Variants in MYO3A observed in about 807,000 individuals in gnomAD.
The protein encoded by MYO3A is myosin IIIA, also known as myosin-IIIa.
Under a neutral mutation model 192.7 loss-of-function variants are expected in MYO3A, and 180 were observed. That is an observed-to-expected ratio of 0.93 (90% CI 0.83 to 1.06). MYO3A has a LOEUF of 1.06. MYO3A is among the 50% of genes least tolerant of loss of function. The pLI, the probability that MYO3A is intolerant of heterozygous loss-of-function variation, is 0.00. For synonymous variants in MYO3A, 628 were observed against 645.3 expected, an observed-to-expected ratio of 0.97 and a Z score of 0.41; for missense variants, 1,896 against 1,905.0, an observed-to-expected ratio of 1.00 and a Z score of 0.09.
chr10:26,186,428 G>A (rs143010138), intron 31 of MYO3A, among the ~76,000 whole-genome samples: 1,660 of 151,838 alleles, frequency 0.011, 41 homozygotes, highest in African/African-American at 0.038. Context: ...CACCACACCC[G>A]GCTAATTTTT....
At chr10:26,130,870 C>G (rs1839494271) in intron 20 of MYO3A, among the ~76,000 whole-genome samples, 1 of 152,188 alleles carries the variant, frequency 6.6e-6, no homozygotes, top group Non-Finnish European at 1.5e-5. Flanking sequence ...GTAGCTATCA[C>G]AGACAAAGAG....
chr10:25,965,266 G>T (rs1838187876), intron 4 of MYO3A, among the ~76,000 whole-genome samples: 1 of 152,010 alleles, frequency 6.6e-6, no homozygotes. Flanking sequence ...ATTTTCTTTT[G>T]CACTGGGTCT....
intron 4 of MYO3A, among the ~76,000 whole-genome samples, chr10:25,972,171 T>G (rs1194003149): frequency 6.6e-6 from 1 of 152,210 alleles, no homozygotes; most frequent in African/African-American, 2.4e-5. Flanking sequence ...TCCTTCTTCT[T>G]TTTTTCATAT....
chr10:26,014,306 G>T (rs527707373), intron 6 of MYO3A, among the ~76,000 whole-genome samples: 1 of 151,972 alleles, frequency 6.6e-6, no homozygotes, highest in African/African-American at 2.4e-5. Flanking sequence ...TATTTTAAGC[G>T]AAGAGTTGTC....
chr10:25,967,001 T>C (rs1378424662), intron 4 of MYO3A, among the ~76,000 whole-genome samples: 1 of 152,126 alleles, frequency 6.6e-6, no homozygotes, highest in East Asian at 1.9e-4. Context: ...ATAGAGGCAG[T>C]TTCCAGAGCA....
chr10:26,084,383 G>T (rs1473846085), intron 14 of MYO3A, among the ~76,000 whole-genome samples: 1 of 152,220 alleles, frequency 6.6e-6, no homozygotes, highest in Non-Finnish European at 1.5e-5. Context: ...GTTCATCAGA[G>T]AAATTGGCCT....
chr10:26,023,998 C>T, intron 8 of MYO3A, 24 bp from the exon 9 acceptor site: 3 of 1,598,510 alleles, frequency 1.9e-6, no homozygotes, highest in Non-Finnish European at 1.7e-6. Flanking sequence ...ATACAGAATC[C>T]AACATTGATT....
At chr10:26,172,825 G>A (rs891015226) in intron 29 of MYO3A, among the ~76,000 whole-genome samples, 6 of 152,188 alleles carry the variant, frequency 3.9e-5, no homozygotes, top group East Asian at 1.9e-4. Flanking sequence ...ATGGAATCCC[G>A]GTAGCTTTTT....
intron 31 of MYO3A, among the ~76,000 whole-genome samples, chr10:26,180,111 A>G (rs1363725093): frequency 6.6e-6 from 1 of 152,224 alleles, no homozygotes; most frequent in Non-Finnish European, 1.5e-5. Flanking sequence ...CTGGGATTAC[A>G]AGTGTGAGCC....
intron 10 of MYO3A, among the ~76,000 whole-genome samples, chr10:26,046,751 C>T (rs1434901203): frequency 6.6e-6 from 1 of 152,210 alleles, no homozygotes; most frequent in Non-Finnish European, 1.5e-5. Context: ...TATAAGATTG[C>T]ATTCACATAT....
chr10:26,198,188 G>T (rs938984478), intron 32 of MYO3A, among the ~76,000 whole-genome samples: 5 of 151,934 alleles, frequency 3.3e-5, no homozygotes, highest in Admixed American at 6.5e-5. Flanking sequence ...TTACAATGGC[G>T]ATTCTAGCGG....
chr10:26,025,122 T>C (rs190239918), intron 9 of MYO3A, among the ~76,000 whole-genome samples: 75 of 152,356 alleles, frequency 4.9e-4, no homozygotes, highest in Admixed American at 1.6e-3. Flanking sequence ...CAGAAATTAA[T>C]GCATTCTGTT....
chr10:26,039,201 C>T lies in MYO3A; in HGVS notation c.953+12669C>T, dbSNP rs528956655. ...GATTACAGGCAGGCACCACCAGGCT[C>T]GGCTAATTTTTTTTTTTTTTTTTTT... On this transcript the variant is annotated intron_variant, in intron 10 of 34. Coordinates refer to ENST00000642920, the MANE Select transcript of MYO3A (RefSeq NM_017433.5). Among the ~76,000 whole-genome samples the T allele has an allele frequency of 6.6e-3, 882 of 133,356 alleles. 13 individuals are homozygous for T. The highest frequency in any genetic ancestry group is 0.022 in the Admixed American group (283 of 13,068). 87.5% of individuals were successfully genotyped at this position (133,356 alleles called of 152,430 possible). A position where few individuals can be genotyped will look rare whatever the true frequency, so the allele number is the denominator to read the frequency against.
rs944030109 is a variant in MYO3A, at chr10:25,952,152, T to G, written c.42T>G (p.Phe14Leu). 1 of 1,612,298 alleles carries G rather than the reference T, an allele frequency of 6.2e-7. No individual in the cohort carries two copies. The highest frequency in any genetic ancestry group is 1.3e-5 in the African/African-American group (1 of 74,836). ...GAAAAACAATCATCTTTGATAACTT[T>G]CCTGATCCTTCTGATACATGGGAAA... ...LIGKTIIFDN[F>L]PDPSDTWEIT... The change falls in exon 3 of 35, where the codon TTT becomes TTG. Residue 14 changes from phenylalanine to leucine, a missense_variant. Physicochemically the swap from Phe to Leu is conservative, Grantham distance 22. Transcript: ENST00000642920.
intron 26 of MYO3A, among the ~76,000 whole-genome samples, chr10:26,159,615 G>C (rs570288694): frequency 6.6e-6 from 1 of 151,980 alleles, no homozygotes; most frequent in Non-Finnish European, 1.5e-5. Flanking sequence ...TCCTGACCTC[G>C]TGATCCGCCA....
chr10:25,935,260 A>G (rs1407826587), intron 1 of MYO3A, among the ~76,000 whole-genome samples: 1 of 152,234 alleles, frequency 6.6e-6, no homozygotes, highest in Non-Finnish European at 1.5e-5. Flanking sequence ...AAGTCTGCTC[A>G]CCAACAGCTC....
intron 32 of MYO3A, among the ~76,000 whole-genome samples, chr10:26,197,976 A>G (rs553754744): frequency 7.5e-4 from 114 of 152,108 alleles, no homozygotes; most frequent in Non-Finnish European, 1.3e-3. Context: ...TTACAGCCAT[A>G]CTCCTCAGAA....
chr10:26,008,261 A>T (rs1484330044), intron 6 of MYO3A, among the ~76,000 whole-genome samples: 1 of 148,068 alleles, frequency 6.8e-6, no homozygotes, highest in Non-Finnish European at 1.5e-5. Context: ...TAACCATTAG[A>T]CCTAAAACCA....
intron 2 of MYO3A, among the ~76,000 whole-genome samples, chr10:25,948,897 G>T (rs1837029604): frequency 6.6e-6 from 1 of 151,906 alleles, no homozygotes; most frequent in South Asian, 2.1e-4. Flanking sequence ...TTGTCATTTT[G>T]TGACTTTTTT....
Sources: gnomAD v4.1 joint callset for allele counts (sites outside exome capture counted in the v4.1 genomes callset) on GRCh38, gnomAD v4.1.1 for gene constraint, MANE v1.5 for transcripts, NCBI Gene and HGNC (gene_info 2026-07-23, HGNC 2026-07-21) for gene names.